The following PACRG variants were observed in gnomAD, a reference collection of about 807,000 sequenced individuals.
PACRG encodes parkin coregulated, also known as parkin coregulated gene protein.
Under a neutral mutation model 29.7 loss-of-function variants are expected in PACRG, and 29 were observed. That is an observed-to-expected ratio of 0.98 (90% confidence interval 0.73 to 1.33). PACRG has a LOEUF of 1.33. Among genes scored for constraint, PACRG ranks in the 40% most tolerant of loss-of-function variants. The probability of loss-of-function intolerance (pLI) is 0.00; values close to 1 mark genes in which losing one functional copy is unlikely to be tolerated. For missense variants in PACRG, 279 were observed against 316.2 expected (o/e 0.88, Z 0.89); for synonymous variants, 116 against 118.7 (o/e 0.98, Z 0.15).
At position 163,223,724 on chromosome 6, in the gene PACRG, T is replaced by C. The variant is rs1352347665; in HGVS notation, c.614-91103T>C. On this transcript the variant is annotated intron_variant, in intron 4 of 4. Coordinates refer to ENST00000366888, the MANE Select transcript of PACRG (RefSeq NM_001080379.2). The stretch of plus-strand genomic sequence containing the variant: ...AGACTGCTTTTTGCTGGCTTTAGCA[T>C]GTGGTGGGCTTTCGACTGGCTGAGG... 3.9e-5 allele frequency among the ~76,000 whole-genome samples: 6 copies of C among 152,324 alleles called. No homozygotes were observed. The East Asian group carries it at 1.2e-3, about 29-fold the overall frequency.
Position 162,943,086 on chromosome 6 carries a change from A to T in PACRG, c.292-119064A>T, listed in dbSNP as rs531908704. ...GGACTTCTGCAATCCTAGTGACTCA[A>T]CCCCTGCAGGCTCTGAGACTAACAT... On this transcript the variant is annotated intron_variant, in intron 2 of 4. Transcript: ENST00000366888. Among the ~76,000 whole-genome samples the T allele has an allele frequency of 3.9e-5, 6 of 152,216 alleles. No homozygotes were observed. The South Asian group carries it at 8.3e-4, about 21-fold the overall frequency.
At chr6:163,254,335 G>A (rs1490419778) in intron 4 of PACRG, among the ~76,000 whole-genome samples, 1 of 152,026 alleles carries the variant, frequency 6.6e-6, no homozygotes, top group Admixed American at 6.5e-5. Flanking sequence ...AGGATGGGAG[G>A]GGAGACTCTG....
intron 4 of PACRG, among the ~76,000 whole-genome samples, chr6:163,305,886 A>T (rs1308735735): frequency 1.3e-5 from 2 of 152,184 alleles, no homozygotes; most frequent in Non-Finnish European, 2.9e-5. Flanking sequence ...TGCTGATGAT[A>T]CGGGGCTAAA....
At chr6:163,243,933 A>C (rs1782597606) in intron 4 of PACRG, among the ~76,000 whole-genome samples, 1 of 152,186 alleles carries the variant, frequency 6.6e-6, no homozygotes, top group African/African-American at 2.4e-5. Context: ...ACAAAAACGA[A>C]ATGTAGTCAA....
At chr6:162,835,031 G>A (rs1215910654) in intron 2 of PACRG, among the ~76,000 whole-genome samples, 1 of 151,998 alleles carries the variant, frequency 6.6e-6, no homozygotes, top group Non-Finnish European at 1.5e-5. Flanking sequence ...ATTGAGCCCT[G>A]TTTCAAGGAC....
At chr6:163,033,738 A>G (rs1807889538) in intron 2 of PACRG, among the ~76,000 whole-genome samples, 1 of 152,224 alleles carries the variant, frequency 6.6e-6, no homozygotes, top group South Asian at 2.1e-4. Flanking sequence ...ACCATTGTGA[A>G]AAGAGAAAGC....
rs58611407 is a variant in PACRG at position 163,148,961 on chromosome 6, CGGGGGGGGG to C, written c.613+59565_613+59573del. On this transcript the variant is annotated intron_variant, in intron 4 of 4. Coordinates refer to ENST00000366888, the MANE Select transcript of PACRG (RefSeq NM_001080379.2). ...TGAGGGTTTTGTGAAAAATCTATGG[CGGGGGGGGG>C]GGGGGGGGGGGTGGAAAAATGTCCC... 1.9e-3 allele frequency among the ~76,000 whole-genome samples: 17 copies of C among 9,056 alleles called. 2 individuals carry two copies. The highest frequency in any genetic ancestry group is 6.2e-3 in the African/African-American group (12 of 1,930). 5.9% of individuals were successfully genotyped at this position (9,056 alleles called of 152,430 possible).
chr6:162,971,817 T>C (rs1291625473), intron 2 of PACRG, among the ~76,000 whole-genome samples: 2 of 152,224 alleles, frequency 1.3e-5, no homozygotes, highest in Non-Finnish European at 2.9e-5. Flanking sequence ...TTTCATTAGG[T>C]TGCAGAGGCA....
At chr6:162,883,605 C>A (rs1294545300) in intron 2 of PACRG, among the ~76,000 whole-genome samples, 2 of 151,916 alleles carry the variant, frequency 1.3e-5, no homozygotes, top group African/African-American at 2.4e-5. Context: ...AGTCTCAGGG[C>A]AAGTCCAGTA....
chr6:163,305,697 C>T (rs889540133), intron 4 of PACRG, among the ~76,000 whole-genome samples: 1 of 152,160 alleles, frequency 6.6e-6, no homozygotes, highest in Non-Finnish European at 1.5e-5. Context: ...TGTCATCCTG[C>T]CTGTATCTCT....
chr6:163,076,566 A>T (rs1458294559), intron 3 of PACRG, among the ~76,000 whole-genome samples: 2 of 152,196 alleles, frequency 1.3e-5, no homozygotes, highest in Admixed American at 6.5e-5. Flanking sequence ...ATTCTTTGGC[A>T]TGGCTTTCAA....
chr6:163,291,066 G>T (rs1487238841), intron 4 of PACRG, among the ~76,000 whole-genome samples: 1 of 152,198 alleles, frequency 6.6e-6, no homozygotes, highest in Non-Finnish European at 1.5e-5. Flanking sequence ...TTCAGTGCCC[G>T]GCTGCCCAGC....
At position 163,004,726 on chromosome 6, in the gene PACRG, G is replaced by GTA. The variant is rs1554333004; in HGVS notation, c.292-57413_292-57412dup. On this transcript the variant is annotated intron_variant, in intron 2 of 4. Coordinates refer to ENST00000366888, the MANE Select transcript of PACRG (RefSeq NM_001080379.2). ...AGTGTGTGTGTGTGTGTGTGTGTGT[G>GTA]TATATATATATACACACACACACAC... is the stretch of plus-strand genomic sequence containing the variant. Among the ~76,000 whole-genome samples the GTA allele has an allele frequency of 3.0e-3, 413 of 136,022 alleles. 2 individuals carry two copies. Among genetic ancestry groups the GTA allele is most frequent in the Non-Finnish European group, 4.0e-3 (260 of 64,614 alleles). The allele number at this position is 136,022 out of a possible 152,430, so 89.2% of individuals were successfully genotyped here. A position where few individuals can be genotyped will look rare whatever the true frequency, so the allele number is the denominator to read the frequency against.
intron 4 of PACRG, among the ~76,000 whole-genome samples, chr6:163,279,432 C>T (rs1178830738): frequency 6.6e-6 from 1 of 152,122 alleles, no homozygotes; most frequent in African/African-American, 2.4e-5. Flanking sequence ...CTTAATTTTT[C>T]TAATTTCTAG....
chr6:162,846,295 A>G (rs1392093971), intron 2 of PACRG, among the ~76,000 whole-genome samples: 2 of 152,226 alleles, frequency 1.3e-5, no homozygotes, highest in Non-Finnish European at 2.9e-5. Flanking sequence ...TTTACAGTGC[A>G]GAGCTTGGTC....
At chr6:163,242,070 A>T (rs1241037811) in intron 4 of PACRG, among the ~76,000 whole-genome samples, 1 of 152,090 alleles carries the variant, frequency 6.6e-6, no homozygotes, top group Non-Finnish European at 1.5e-5. Context: ...AAAAGAAAAA[A>T]AGATTTTTTT....
intron 4 of PACRG, among the ~76,000 whole-genome samples, chr6:163,139,945 G>A (rs1216277813): frequency 6.6e-6 from 1 of 152,100 alleles, no homozygotes; most frequent in Non-Finnish European, 1.5e-5. Flanking sequence ...GCCTGTGAAA[G>A]TTGACTCCTT....
intron 2 of PACRG, among the ~76,000 whole-genome samples, chr6:162,960,429 A>G (rs749562739): frequency 2.0e-5 from 3 of 152,380 alleles, no homozygotes; most frequent in East Asian, 3.9e-4. Flanking sequence ...ACAGCCTTAA[A>G]AAGAATGAAA....
At chr6:163,265,909 A>G (rs1039225270) in intron 4 of PACRG, among the ~76,000 whole-genome samples, 1 of 152,202 alleles carries the variant, frequency 6.6e-6, no homozygotes, top group African/African-American at 2.4e-5. Flanking sequence ...TGTACATTTC[A>G]CTTCTGCAAA....
Sources: gnomAD v4.1 joint callset for allele counts (sites outside exome capture counted in the v4.1 genomes callset) on GRCh38, gnomAD v4.1.1 for gene constraint, MANE v1.5 for transcripts, NCBI Gene and HGNC (gene_info 2026-07-23, HGNC 2026-07-21) for gene names.